Variants in ZBTB20 observed in about 807,000 individuals in gnomAD.
ZBTB20 encodes zinc finger and BTB domain containing 20.
Under a neutral mutation model 56.9 loss-of-function variants are expected in ZBTB20, and 9 were observed. The observed-to-expected ratio is 0.16, with a 90% CI of 0.10 to 0.28. The LOEUF is 0.28. Among genes scored for constraint, ZBTB20 ranks in the 10% least tolerant of loss-of-function variants. ZBTB20 has a pLI of 1.00. For missense variants in ZBTB20, 655 were observed against 1,003.0 expected (o/e 0.65, Z 4.69); for synonymous variants, 417 against 420.7 (o/e 0.99, Z 0.11).
chr3:114,376,610 C>A (rs1275724417), intron 10 of ZBTB20, among the ~76,000 whole-genome samples: 1 of 152,284 alleles, frequency 6.6e-6, no homozygotes, highest in East Asian at 1.9e-4. Context: ...CCATTGGCCT[C>A]TGTGAGTGTC....
intron 7 of ZBTB20, among the ~76,000 whole-genome samples, chr3:114,407,794 TA>T (rs2108748161): frequency 6.6e-6 from 1 of 152,206 alleles, no homozygotes; most frequent in African/African-American, 2.4e-5. Context: ...TGTGATAGGA[TA>T]GGGATTGTAT....
intron 6 of ZBTB20, among the ~76,000 whole-genome samples, chr3:114,545,385 T>A (rs1324279472): frequency 6.6e-6 from 1 of 152,140 alleles, no homozygotes; most frequent in Non-Finnish European, 1.5e-5. Flanking sequence ...TGCTTTCACA[T>A]GTATTGTGCA....
intron 2 of ZBTB20, among the ~76,000 whole-genome samples, chr3:115,001,726 C>G (rs1480051769): frequency 6.6e-6 from 1 of 151,198 alleles, no homozygotes; most frequent in Non-Finnish European, 1.5e-5. Context: ...AACTACAAAA[C>G]TCTGATCAAA....
chr3:114,673,896 A>G (rs1328917180), intron 6 of ZBTB20, among the ~76,000 whole-genome samples: 1 of 152,160 alleles, frequency 6.6e-6, no homozygotes, highest in African/African-American at 2.4e-5. Context: ...AGTTCCAGGT[A>G]AATTTTGAAT....
At chr3:114,587,708 T>C (rs1413925433) in intron 6 of ZBTB20, among the ~76,000 whole-genome samples, 1 of 152,226 alleles carries the variant, frequency 6.6e-6, no homozygotes, top group Non-Finnish European at 1.5e-5. Flanking sequence ...CCAAAGCCCA[T>C]GTACTCTTAA....
intron 7 of ZBTB20, among the ~76,000 whole-genome samples, chr3:114,446,576 C>A (rs753592952): frequency 1.3e-5 from 2 of 152,140 alleles, no homozygotes; most frequent in Non-Finnish European, 2.9e-5. Context: ...GAATTTATTA[C>A]CCTGGACTTT....
At chr3:114,724,115 C>T (rs533987720) in intron 5 of ZBTB20, among the ~76,000 whole-genome samples, 113 of 152,018 alleles carry the variant, frequency 7.4e-4, no homozygotes, top group Non-Finnish European at 9.3e-4. Flanking sequence ...CCTCATGATC[C>T]GCCCACCTCG....
At chr3:114,987,438 T>C (rs1293043750) in intron 2 of ZBTB20, among the ~76,000 whole-genome samples, 4 of 152,162 alleles carry the variant, frequency 2.6e-5, no homozygotes, top group Non-Finnish European at 4.4e-5. Context: ...AAGTAACTGA[T>C]TCATTAAAGA....
At chr3:114,952,215 GGTAA>G (rs765825465) in intron 3 of ZBTB20, among the ~76,000 whole-genome samples, 4 of 152,014 alleles carry the variant, frequency 2.6e-5, no homozygotes, top group Non-Finnish European at 5.9e-5. Context: ...ACCTTTAAGA[GGTAA>G]GTAAGATAGA....
chr3:114,699,407 A>C (rs1399557690), intron 5 of ZBTB20, among the ~76,000 whole-genome samples: 1 of 152,124 alleles, frequency 6.6e-6, no homozygotes, highest in African/African-American at 2.4e-5. Flanking sequence ...AAGGACACCA[A>C]GAATGTACTG....
intron 6 of ZBTB20, among the ~76,000 whole-genome samples, chr3:114,586,190 T>C (rs2055157051): frequency 6.6e-6 from 1 of 152,232 alleles, no homozygotes; most frequent in African/African-American, 2.4e-5. Context: ...ACTAAGCAAT[T>C]ATTTGTTCCT....
At chr3:115,102,436 T>TA (rs1447324593) in intron 1 of ZBTB20, 3 of 152,086 alleles carry the variant, frequency 2.0e-5, no homozygotes, top group African/African-American at 7.2e-5. Flanking sequence ...AAATGTCAAT[T>TA]AAAAAAACAC....
At chr3:114,895,113 A>C (rs1010114740) in intron 4 of ZBTB20, among the ~76,000 whole-genome samples, 3 of 152,198 alleles carry the variant, frequency 2.0e-5, no homozygotes, top group Non-Finnish European at 4.4e-5. Context: ...AATTAAGGGA[A>C]AATCATACAT....
intron 7 of ZBTB20, among the ~76,000 whole-genome samples, chr3:114,427,816 G>C: frequency 6.6e-6 from 1 of 152,318 alleles, no homozygotes; most frequent in African/African-American, 2.4e-5. Flanking sequence ...GAGAATGATT[G>C]TTAACAGAGG....
At chr3:114,728,798 A>G (rs916063927) in intron 5 of ZBTB20, among the ~76,000 whole-genome samples, 1 of 152,232 alleles carries the variant, frequency 6.6e-6, no homozygotes, top group Non-Finnish European at 1.5e-5. Flanking sequence ...CATGTAGAAT[A>G]CTGACTTTTA....
intron 7 of ZBTB20, among the ~76,000 whole-genome samples, chr3:114,451,762 CG>C (rs1301682541): frequency 6.6e-6 from 1 of 152,126 alleles, no homozygotes; most frequent in Non-Finnish European, 1.5e-5. Flanking sequence ...AGAACTGGAG[CG>C]GATTGCCTAC....
intron 6 of ZBTB20, among the ~76,000 whole-genome samples, chr3:114,641,426 A>G (rs1257474128): frequency 1.3e-5 from 2 of 151,820 alleles, no homozygotes; most frequent in African/African-American, 4.8e-5. Context: ...GTAGTATAAT[A>G]TATACCACTT....
At chr3:114,528,562 C>T (rs767949603) in intron 6 of ZBTB20, 3 of 152,066 alleles carry the variant, frequency 2.0e-5, no homozygotes, top group Non-Finnish European at 2.9e-5. Context: ...AAATAATTTA[C>T]GATAAAATAT....
intron 7 of ZBTB20, among the ~76,000 whole-genome samples, chr3:114,443,049 C>T (rs769773743): frequency 9.2e-5 from 14 of 152,192 alleles, no homozygotes; most frequent in South Asian, 2.1e-4. Flanking sequence ...CCAGATTACA[C>T]ACTAAAGGGA....
Sources: gnomAD v4.1 joint callset for allele counts (sites outside exome capture counted in the v4.1 genomes callset) on GRCh38, gnomAD v4.1.1 for gene constraint, MANE v1.5 for transcripts, NCBI Gene and HGNC (gene_info 2026-07-23, HGNC 2026-07-21) for gene names.